Variants in NEXMIF observed in about 807,000 individuals in gnomAD.
The protein encoded by NEXMIF is neurite extension and migration factor.
NEXMIF carries 8 observed loss-of-function variants against 62.1 expected under a neutral mutation model. The ratio of observed to expected loss-of-function variants is 0.13; its 90% CI spans 0.08 to 0.23. The LOEUF (loss-of-function observed/expected upper bound fraction) is 0.23, where lower values mean the gene tolerates loss of function less well. Ranked by LOEUF, NEXMIF falls within the 10% of genes least tolerant of loss-of-function variation. The pLI, the probability that NEXMIF is intolerant of heterozygous loss-of-function variation, is 1.00. For missense variants in NEXMIF, 976 were observed against 1,113.3 expected, an observed-to-expected ratio of 0.88 and a Z score of 1.75; for synonymous variants, 404 against 416.6, an observed-to-expected ratio of 0.97 and a Z score of 0.37.
chrX:74,797,847 A>T (rs2080317030), intron 1 of NEXMIF, among the ~76,000 whole-genome samples: 1 of 112,028 alleles, frequency 8.9e-6, no homozygotes, highest in Non-Finnish European at 1.9e-5. Flanking sequence ...GTGAATTCCA[A>T]TCACCAGCAA....
At chrX:74,842,140 C>G (rs926205188) in intron 1 of NEXMIF, among the ~76,000 whole-genome samples, 5 of 111,499 alleles carry the variant, frequency 4.5e-5, no homozygotes, top group African/African-American at 1.6e-4. Flanking sequence ...CTATTTGTTA[C>G]TGATTCAATT....
At chrX:74,871,722 A>G (rs973976228) in intron 1 of NEXMIF, among the ~76,000 whole-genome samples, 5 of 111,568 alleles carry the variant, frequency 4.5e-5, no homozygotes, top group African/African-American at 1.6e-4. Context: ...CTGTGAGAAG[A>G]AAAATATGTC....
intron 1 of NEXMIF, among the ~76,000 whole-genome samples, chrX:74,900,028 G>A (rs2080744225): frequency 9.0e-6 from 1 of 111,226 alleles, no homozygotes; most frequent in Non-Finnish European, 1.9e-5. Flanking sequence ...AATGAGCAAA[G>A]GAGTCAAATA....
chrX:74,917,772 A>G (rs1013565742), intron 1 of NEXMIF, among the ~76,000 whole-genome samples: 1 of 111,556 alleles, frequency 9.0e-6, no homozygotes, highest in Non-Finnish European at 1.9e-5. Flanking sequence ...TGAAACAGAG[A>G]GAGGTAGAGG....
At chrX:74,838,370 T>C (rs1036304349) in intron 1 of NEXMIF, among the ~76,000 whole-genome samples, 4 of 112,397 alleles carry the variant, frequency 3.6e-5, no homozygotes, top group Non-Finnish European at 7.5e-5. Flanking sequence ...TATTACTAGA[T>C]ATTAAGTTAA....
At chrX:74,850,529 C>A (rs2080509361) in intron 1 of NEXMIF, among the ~76,000 whole-genome samples, 1 of 111,982 alleles carries the variant, frequency 8.9e-6, no homozygotes, top group Admixed American at 9.5e-5. Flanking sequence ...TACCTGGCAT[C>A]CCAGTGCCCA....
intron 1 of NEXMIF, among the ~76,000 whole-genome samples, chrX:74,867,357 T>G (rs755304925): frequency 8.9e-6 from 1 of 111,805 alleles, no homozygotes; most frequent in Non-Finnish European, 1.9e-5. Flanking sequence ...GCTGGAGGCA[T>G]CACATCATGC....
Position 74,744,466 on chromosome X carries a change from G to T in NEXMIF, c.91C>A (p.Gln31Lys). The change falls in exon 3 of 4, where the codon CAG becomes AAG. Residue 31 changes from glutamine (Q) to lysine (K), a missense_variant. Physicochemically the swap from Gln to Lys is moderately conservative, Grantham distance 53. This residue lies in a region of NEXMIF where 126 missense variants were observed against 146.5 expected (regional missense o/e 0.86). Coordinates refer to ENST00000055682, the MANE Select transcript of NEXMIF (RefSeq NM_001008537.3). Reference sequence around the variant, plus strand: ...GCAAATGACTTCATTGCCACATCCTGGTCCTCTGAGTCTAGAAAAAAGGGA... The same window carrying T: ...GCAAATGACTTCATTGCCACATCCTTGTCCTCTGAGTCTAGAAAAAAGGGA... ...NGVKENDSEDQDVAMKSFAAL... is the reference protein window; with the variant it reads ...NGVKENDSEDKDVAMKSFAAL... The T allele has an allele frequency of 8.4e-7, 1 of 1,189,461 alleles. No individual in the cohort carries two copies. The highest frequency in any genetic ancestry group is 1.8e-5 in the African/African-American group (1 of 56,790).
At chrX:74,832,346 C>A (rs2080440709) in intron 1 of NEXMIF, among the ~76,000 whole-genome samples, 1 of 111,367 alleles carries the variant, frequency 9.0e-6, no homozygotes, top group Non-Finnish European at 1.9e-5. Flanking sequence ...GTATGTGTCT[C>A]AAAATTTATT....
At chrX:74,788,228 T>A (rs1214129846) in intron 1 of NEXMIF, among the ~76,000 whole-genome samples, 2 of 111,911 alleles carry the variant, frequency 1.8e-5, no homozygotes, top group Non-Finnish European at 3.8e-5. Flanking sequence ...AAATACTGCA[T>A]CACTTCAGAG....
chrX:74,750,100 A>G (rs2080137518), intron 1 of NEXMIF, among the ~76,000 whole-genome samples: 1 of 111,438 alleles, frequency 9.0e-6, no homozygotes, highest in African/African-American at 3.3e-5. Flanking sequence ...GAGGGGGGGA[A>G]GATAGGAAAA....
At chrX:74,885,214 C>T (rs1302994768) in intron 1 of NEXMIF, among the ~76,000 whole-genome samples, 1 of 111,459 alleles carries the variant, frequency 9.0e-6, no homozygotes, top group Admixed American at 9.6e-5. Flanking sequence ...GAAATTGACA[C>T]TCTAGCATCA....
intron 1 of NEXMIF, among the ~76,000 whole-genome samples, chrX:74,884,169 C>G (rs1247542395): frequency 7.2e-5 from 8 of 111,861 alleles, no homozygotes; most frequent in African/African-American, 2.6e-4. Context: ...AAGGAACAAC[C>G]AGTACCAGCC....
At chrX:74,888,178 T>C (rs909575575) in intron 1 of NEXMIF, among the ~76,000 whole-genome samples, 1 of 108,871 alleles carries the variant, frequency 9.2e-6, no homozygotes, top group Admixed American at 1.0e-4. Flanking sequence ...GTAGGAGATA[T>C]ACCTAATGCT....
intron 1 of NEXMIF, among the ~76,000 whole-genome samples, chrX:74,823,898 A>T (rs2080405920): frequency 8.9e-6 from 1 of 111,738 alleles, no homozygotes; most frequent in Non-Finnish European, 1.9e-5. Flanking sequence ...TAAGTCCTAA[A>T]TTATTTCAAA....
chrX:74,793,861 C>G (rs1342337387), intron 1 of NEXMIF, among the ~76,000 whole-genome samples: 1 of 75,389 alleles, frequency 1.3e-5, no homozygotes, highest in Non-Finnish European at 2.6e-5. Flanking sequence ...ATTGGTTATT[C>G]TAGTTATACA....
At chrX:74,793,152 C>T (rs1602229612) in intron 1 of NEXMIF, among the ~76,000 whole-genome samples, 1 of 110,414 alleles carries the variant, frequency 9.1e-6, no homozygotes, top group South Asian at 3.9e-4. Flanking sequence ...CCTTCAGGAG[C>T]TCTTTTAGGG....
chrX:74,741,166 A>C lies in NEXMIF; in HGVS notation c.3391T>G (p.Leu1131Val). 1.7e-6 allele frequency: 2 copies of C among 1,210,785 alleles called. No homozygotes were observed. Among genetic ancestry groups the C allele is most frequent in the South Asian group, 3.5e-5 (2 of 56,917 alleles). The change falls in exon 3 of 4, where the codon TTA becomes GTA. Residue 1131 changes from leucine to valine, a missense_variant. Coordinates refer to ENST00000055682, the MANE Select transcript of NEXMIF (RefSeq NM_001008537.3). Reference sequence around the variant, plus strand: ...TGGAACTGAAACTGGTGATTATTTAAAGTAAATCCATCCTCCATTTGGACC... The same window carrying C: ...TGGAACTGAAACTGGTGATTATTTACAGTAAATCCATCCTCCATTTGGACC... ...RQVQMEDGFT[L>V]NNHQFQFHMF... is the part of the protein sequence containing the mutation.
At chrX:74,816,178 G>A (rs1021166028) in intron 1 of NEXMIF, among the ~76,000 whole-genome samples, 5 of 111,657 alleles carry the variant, frequency 4.5e-5, no homozygotes, top group African/African-American at 1.6e-4. Context: ...AAACTCCAGA[G>A]TACGTACTAC....
Sources: allele counts gnomAD v4.1 joint callset (sites outside exome capture counted in the v4.1 genomes callset), GRCh38; gene constraint gnomAD v4.1.1; regional missense constraint gnomAD v4.1.1; transcripts MANE v1.5; gene names NCBI Gene and HGNC (gene_info 2026-07-23, HGNC 2026-07-21).